The following MTBP variants were observed in gnomAD, a reference collection of about 807,000 sequenced individuals.
The protein encoded by MTBP is MDM2 binding protein.
A neutral mutation model predicts 117.0 loss-of-function variants in MTBP; 101 were observed. The observed-to-expected ratio is 0.86, with a 90% CI of 0.73 to 1.02. The LOEUF is 1.02. MTBP is among the 50% of genes least tolerant of loss of function. The pLI is 0.00. For synonymous variants in MTBP, 350 were observed against 351.5 expected, an observed-to-expected ratio of 1.00 and a Z score of 0.05; for missense variants, 970 against 1,030.9, an observed-to-expected ratio of 0.94 and a Z score of 0.81.
intron 11 of MTBP, among the ~76,000 whole-genome samples, chr8:120,475,204 G>C (rs1813907501): frequency 6.6e-6 from 1 of 151,574 alleles, no homozygotes; most frequent in South Asian, 2.1e-4. Context: ...TTTTTTGCCA[G>C]CCCATCTAAA....
At chr8:120,477,855 A>G (rs1470338246) in intron 11 of MTBP, among the ~76,000 whole-genome samples, 4 of 152,184 alleles carry the variant, frequency 2.6e-5, no homozygotes, top group African/African-American at 4.8e-5. Flanking sequence ...CAATTCTTCA[A>G]TGATCTAGAA....
chr8:120,499,925 C>T (rs1426399358), intron 14 of MTBP, among the ~76,000 whole-genome samples: 1 of 152,100 alleles, frequency 6.6e-6, no homozygotes, highest in Non-Finnish European at 1.5e-5. Context: ...TCTATCAGAT[C>T]GTTATTTTAT....
chr8:120,498,936 T>C (rs1814525718), intron 14 of MTBP, among the ~76,000 whole-genome samples: 1 of 152,154 alleles, frequency 6.6e-6, no homozygotes, highest in African/African-American at 2.4e-5. Context: ...TTTAAGGGTA[T>C]GTATCTTAGG....
At position 120,497,042 on chromosome 8, in the gene MTBP, A is replaced by G. The variant is rs181380677; in HGVS notation, c.1448-351A>G. ...TTGAGAAGAAGAAACAGAAGTGGCCAAGCTACCATATTTAACTGAAAGTCT... is the reference window on the plus strand; with the variant it reads ...TTGAGAAGAAGAAACAGAAGTGGCCGAGCTACCATATTTAACTGAAAGTCT... On this transcript the variant is annotated intron_variant, in intron 13 of 21. Coordinates refer to ENST00000305949, the MANE Select transcript of MTBP (RefSeq NM_022045.5). Among the ~76,000 whole-genome samples, 5 of 152,358 alleles carry G rather than the reference A, an allele frequency of 3.3e-5. No individual in the cohort carries two copies. The East Asian group carries it at 9.6e-4, about 29-fold the overall frequency.
Position 120,456,538 on chromosome 8 carries a change from A to C in MTBP, c.630-15A>C. 1 of 1,343,256 alleles carries C rather than the reference A, an allele frequency of 7.4e-7. No individual in the cohort carries two copies. Among genetic ancestry groups the C allele is most frequent in the Non-Finnish European group, 1.1e-6 (1 of 948,450 alleles). 83.2% of individuals were successfully genotyped at this position (1,343,256 alleles called of 1,614,324 possible). A position where few individuals can be genotyped will look rare whatever the true frequency, so the allele number is the denominator to read the frequency against. ...TAAAACCCTGTGTTTAATTGTTGTA[A>C]TCTTTTTTTTATAGAAACTGTCAGA... On this transcript the variant is annotated splice_polypyrimidine_tract_variant and intron_variant, in intron 6 of 21. Transcript: ENST00000305949.
Position 120,518,022 on chromosome 8 carries a change from C to T in MTBP, c.2418C>T (p.Thr806=). The T allele has an allele frequency of 6.2e-7, 1 of 1,612,828 alleles. No homozygotes were observed. Among genetic ancestry groups the T allele is most frequent in the Non-Finnish European group, 8.5e-7 (1 of 1,179,152 alleles). The part of the protein sequence containing the change: ...SCETPKLATK[T]SSGQKSMHES... ...AAACTCCAAAACTTGCTACAAAGAC[C>T]AGTTCAGGTCAAAAAAGTATGCATG... Residue 806 remains threonine (T), a synonymous_variant, in exon 19 of 22, where the codon ACC becomes ACT. Transcript: ENST00000305949.
rs572952798 is a variant in MTBP, at chr8:120,502,721, A to G, written c.1727+112A>G. ...TAAGCAGTTTATTGTTTTATTATAAAAGAAATACATACTTACTGTGAATAG... is the reference window on the plus strand; with the variant it reads ...TAAGCAGTTTATTGTTTTATTATAAGAGAAATACATACTTACTGTGAATAG... On this transcript the variant is annotated intron_variant, in intron 15 of 21. Transcript: ENST00000305949. 6.3e-6 allele frequency: 4 copies of G among 631,190 alleles called. No individual in the cohort carries two copies. The South Asian group carries it at 9.2e-5, about 15-fold the overall frequency. 39.1% of individuals were successfully genotyped at this position (631,190 alleles called of 1,614,324 possible).
At chr8:120,510,911 GAA>G (rs948947290) in intron 17 of MTBP, among the ~76,000 whole-genome samples, 25 of 120,240 alleles carry the variant, frequency 2.1e-4, no homozygotes, top group Admixed American at 5.7e-4. Context: ...CCTGTCTCAA[GAA>G]AAAAAAAAAA....
chr8:120,502,402 C>A, intron 14 of MTBP, 90 bp from the exon 15 acceptor site: 1 of 794,468 alleles, frequency 1.3e-6, no homozygotes, highest in South Asian at 2.0e-5. Flanking sequence ...TACACACACA[C>A]GTATGTATGT....
chr8:120,458,210 G>A (rs955653909), intron 7 of MTBP, among the ~76,000 whole-genome samples: 1 of 152,104 alleles, frequency 6.6e-6, no homozygotes, highest in Admixed American at 6.5e-5. Flanking sequence ...TGGTGATTAA[G>A]GACATAGATT....
intron 17 of MTBP, among the ~76,000 whole-genome samples, chr8:120,514,958 C>T (rs554679784): frequency 3.9e-5 from 6 of 152,050 alleles, no homozygotes; most frequent in East Asian, 3.9e-4. Flanking sequence ...ACTCTGACTC[C>T]GTAAGTCTGT....
intron 6 of MTBP, among the ~76,000 whole-genome samples, chr8:120,455,836 T>C (rs13255475): frequency 0.53 from 80,688 of 151,896 alleles, 24,801 homozygotes; most frequent in Non-Finnish European, 0.68. Flanking sequence ...GGATTAATTC[T>C]ATAAGCACAC....
intron 5 of MTBP, among the ~76,000 whole-genome samples, chr8:120,454,935 G>C (rs1317220542): frequency 6.6e-6 from 1 of 151,966 alleles, no homozygotes; most frequent in Non-Finnish European, 1.5e-5. Flanking sequence ...GATGATGTCA[G>C]TATAATTGGT....
intron 9 of MTBP, among the ~76,000 whole-genome samples, chr8:120,463,348 G>T (rs1813620256): frequency 6.6e-6 from 1 of 151,950 alleles, no homozygotes; most frequent in South Asian, 2.1e-4. Flanking sequence ...CCTAAGAACA[G>T]AACATTTTAT....
At chr8:120,463,898 T>A in intron 10 of MTBP, 137 bp downstream of exon 10, 1 of 758,428 alleles carries the variant, frequency 1.3e-6, no homozygotes, top group East Asian at 2.5e-5. Context: ...TAGGATAATT[T>A]TGGTCCTAAC....
intron 20 of MTBP, among the ~76,000 whole-genome samples, chr8:120,521,787 A>C (rs955302781): frequency 1.3e-5 from 2 of 152,232 alleles, no homozygotes; most frequent in Admixed American, 1.3e-4. Context: ...AAATGAAGAA[A>C]AAATATCTTT....
chr8:120,460,094 A>ATCC (rs1269293017), intron 8 of MTBP, among the ~76,000 whole-genome samples: 3 of 152,086 alleles, frequency 2.0e-5, no homozygotes, highest in African/African-American at 7.2e-5. Context: ...GATGGTTAAT[A>ATCC]TTTTCTAATC....
At chr8:120,458,692 T>C (rs1199180948) in intron 7 of MTBP, among the ~76,000 whole-genome samples, 1 of 151,646 alleles carries the variant, frequency 6.6e-6, no homozygotes, top group Non-Finnish European at 1.5e-5. Context: ...ATACAAAAAA[T>C]TAGCTGGGCA....
intron 15 of MTBP, among the ~76,000 whole-genome samples, chr8:120,506,330 G>T (rs574362180): frequency 6.6e-6 from 1 of 152,118 alleles, no homozygotes; most frequent in South Asian, 2.1e-4. Context: ...GTATTGTGGG[G>T]TTTCAGAACA....
Sources: allele counts gnomAD v4.1 joint callset (sites outside exome capture counted in the v4.1 genomes callset), GRCh38; gene constraint gnomAD v4.1.1; transcripts MANE v1.5; gene names NCBI Gene and HGNC (gene_info 2026-07-23, HGNC 2026-07-21).